Variants in ABCA1 observed in about 807,000 individuals in gnomAD.
ABCA1 encodes the protein ATP binding cassette subfamily A member 1.
A neutral mutation model predicts 262.5 loss-of-function variants in ABCA1; 133 were observed. The ratio of observed to expected loss-of-function variants is 0.51; its 90% CI spans 0.44 to 0.59. The LOEUF (loss-of-function observed/expected upper bound fraction) is 0.59, where lower values mean the gene tolerates loss of function less well. ABCA1 is among the 20% of genes least tolerant of loss of function. The pLI is 0.00. For synonymous variants in ABCA1, 1,022 were observed against 1,043.5 expected (o/e 0.98, Z 0.40); for missense variants, 2,452 against 2,777.5 (o/e 0.88, Z 2.63).
chr9:104,840,535 G>A lies in ABCA1; in HGVS notation c.814-16C>T, dbSNP rs773675751. 2.5e-6 allele frequency: 4 copies of A among 1,610,012 alleles called. No individual in the cohort carries two copies. In the South Asian group the frequency reaches 3.3e-5, roughly 13 times the overall value. On this transcript the variant is annotated splice_polypyrimidine_tract_variant and intron_variant, in intron 8 of 49. Coordinates refer to ENST00000374736, the MANE Select transcript of ABCA1 (RefSeq NM_005502.4). Reference sequence around the variant, plus strand: ...TGCTGAACAGCTGGCGTCAGGGATGGGGACAGAAAGGAGGGTAGGGGAAGG... The same window carrying A: ...TGCTGAACAGCTGGCGTCAGGGATGAGGACAGAAAGGAGGGTAGGGGAAGG...
intron 39 of ABCA1, 34 bp from the exon 40 acceptor site, chr9:104,794,544 A>C: frequency 4.2e-5 from 64 of 1,535,022 alleles, no homozygotes; most frequent in Middle Eastern, 2.0e-4. Flanking sequence ...GAGGGAAGGG[A>C]GGGTGAGGGA....
chr9:104,801,099 A>T (rs1217447875), intron 34 of ABCA1, among the ~76,000 whole-genome samples: 1 of 140,220 alleles, frequency 7.1e-6, no homozygotes, highest in East Asian at 2.1e-4. Context: ...CAGGTCCTAC[A>T]GACCAGCTTG....
At chr9:104,848,111 TG>T (rs1835054849) in intron 7 of ABCA1, among the ~76,000 whole-genome samples, 1 of 152,366 alleles carries the variant, frequency 6.6e-6, no homozygotes, top group Admixed American at 6.5e-5. Flanking sequence ...AAGCAGGTGA[TG>T]TTTTTACAGC....
chr9:104,862,666 G>GCCCCCC (rs1178765678), intron 5 of ABCA1, among the ~76,000 whole-genome samples: 1 of 1,784 alleles, frequency 5.6e-4, no homozygotes, highest in Non-Finnish European at 1.5e-3. Flanking sequence ...GGCCGGGCCG[G>GCCCCCC]GCCGGGCCGG....
At chr9:104,861,929 A>T in intron 5 of ABCA1, 129 bp from the exon 6 acceptor site, 1 of 838,148 alleles carries the variant, frequency 1.2e-6, no homozygotes, top group Non-Finnish European at 1.9e-6. Flanking sequence ...CTAAACACAC[A>T]CAGGAATGAG....
intron 18 of ABCA1, 97 bp downstream of exon 18, chr9:104,824,368 A>G (rs1832636975): frequency 1.6e-5 from 25 of 1,576,662 alleles, no homozygotes; most frequent in Non-Finnish European, 2.1e-5. Flanking sequence ...GTGGTTTCAC[A>G]GTCTTTTAGA....
intron 31 of ABCA1, among the ~76,000 whole-genome samples, chr9:104,805,403 C>T (rs1830676841): frequency 6.6e-6 from 1 of 152,138 alleles, no homozygotes; most frequent in Non-Finnish European, 1.5e-5. Context: ...GAGTGGTAAC[C>T]AAGCCTTCTT....
intron 8 of ABCA1, among the ~76,000 whole-genome samples, chr9:104,844,630 CA>C (rs2119049284): frequency 6.6e-6 from 1 of 151,782 alleles, no homozygotes; most frequent in East Asian, 1.9e-4. Flanking sequence ...ATACAAGCAC[CA>C]AAAAAAGAAA....
chr9:104,819,474 G>C (rs1434238631), intron 22 of ABCA1, 112 bp downstream of exon 22: 3 of 1,458,294 alleles, frequency 2.1e-6, no homozygotes, highest in African/African-American at 2.8e-5. Context: ...TGTGATAACA[G>C]AAGAGTATCC....
At chr9:104,924,732 G>A (rs1842333733) in intron 1 of ABCA1, among the ~76,000 whole-genome samples, 1 of 151,962 alleles carries the variant, frequency 6.6e-6, no homozygotes, top group South Asian at 2.1e-4. Context: ...TCTATCTAAG[G>A]TAATGTTCAC....
At chr9:104,885,653 G>T (rs1286565233) in intron 3 of ABCA1, among the ~76,000 whole-genome samples, 1 of 152,072 alleles carries the variant, frequency 6.6e-6, no homozygotes, top group Admixed American at 6.6e-5. Flanking sequence ...GACATATTTG[G>T]GCTTGGTCCT....
rs2118890017 is a variant in ABCA1, at chr9:104,799,813, A to T, written c.4943+6T>A. On this transcript the variant is annotated splice_donor_region_variant and intron_variant, in intron 36 of 49. Transcript: ENST00000374736. ...ACTCCATCTATACAGACACAGCCAC[A>T]CTTACAGAGCCACCTCTGAGAGCTG... is the stretch of plus-strand genomic sequence containing the variant. 1 of 1,614,086 alleles carries T rather than the reference A, an allele frequency of 6.2e-7. No homozygotes were observed. Among genetic ancestry groups the T allele is most frequent in the Non-Finnish European group, 8.5e-7 (1 of 1,180,010 alleles).
At chr9:104,825,214 T>C (rs972719376) in intron 17 of ABCA1, among the ~76,000 whole-genome samples, 1 of 152,232 alleles carries the variant, frequency 6.6e-6, no homozygotes, top group Non-Finnish European at 1.5e-5. Flanking sequence ...CTCTCCTAGT[T>C]GTACCCCCTC....
At chr9:104,893,099 T>G (rs1839891671) in intron 2 of ABCA1, among the ~76,000 whole-genome samples, 1 of 152,124 alleles carries the variant, frequency 6.6e-6, no homozygotes, top group African/African-American at 2.4e-5. Flanking sequence ...AACTTTCCTT[T>G]TAAATGGCAT....
intron 27 of ABCA1, among the ~76,000 whole-genome samples, chr9:104,813,523 C>G (rs1409533593): frequency 6.6e-6 from 1 of 152,190 alleles, no homozygotes; most frequent in African/African-American, 2.4e-5. Context: ...AAGCGATTCT[C>G]CTGCCTCAGC....
chr9:104,862,642 G>GCCCCCC (rs1201478737), intron 5 of ABCA1, among the ~76,000 whole-genome samples: 3 of 3,968 alleles, frequency 7.6e-4, no homozygotes, highest in South Asian at 0.017. Context: ...GCCGGGCCGG[G>GCCCCCC]CCGGGCCGGG....
intron 5 of ABCA1, among the ~76,000 whole-genome samples, chr9:104,863,439 GA>G (rs1836808968): frequency 6.6e-6 from 1 of 152,178 alleles, no homozygotes; most frequent in South Asian, 2.1e-4. Flanking sequence ...TTTGCAAACT[GA>G]AATCATTTAC....
At chr9:104,809,756 C>T (rs1194472684) in intron 29 of ABCA1, among the ~76,000 whole-genome samples, 192 bp from the exon 30 acceptor site, 1 of 151,832 alleles carries the variant, frequency 6.6e-6, no homozygotes, top group African/African-American at 2.4e-5. Context: ...ATCAGGGTGA[C>T]GTAGAGCACT....
At chr9:104,790,297 G>A (rs1478397936) in intron 44 of ABCA1, among the ~76,000 whole-genome samples, 1 of 152,082 alleles carries the variant, frequency 6.6e-6, no homozygotes, top group South Asian at 2.1e-4. Flanking sequence ...AATTGTTCCT[G>A]AGGAAATAAT....
Sources: allele counts gnomAD v4.1 joint callset (sites outside exome capture counted in the v4.1 genomes callset), GRCh38; gene constraint gnomAD v4.1.1; transcripts MANE v1.5; gene names NCBI Gene and HGNC (gene_info 2026-07-23, HGNC 2026-07-21).